The following PKIA variants were observed in gnomAD, a reference collection of about 807,000 sequenced individuals.
The protein encoded by PKIA is PKI-alpha.
PKIA carries 4 observed loss-of-function variants against 7.6 expected under a neutral mutation model. The ratio of observed to expected loss-of-function variants is 0.52; its 90% CI spans 0.26 to 1.20. The LOEUF (loss-of-function observed/expected upper bound fraction) is 1.20, where lower values mean the gene tolerates loss of function less well. PKIA is among the 50% of genes most tolerant of loss of function. PKIA has a pLI of 0.13. For missense variants in PKIA, 73 were observed against 86.2 expected (o/e 0.85, Z 0.61); for synonymous variants, 21 against 30.7 (o/e 0.68, Z 1.04).
At chr8:78,561,406 C>T (rs2118516670) in intron 1 of PKIA, among the ~76,000 whole-genome samples, 1 of 151,680 alleles carries the variant, frequency 6.6e-6, no homozygotes, top group East Asian at 1.9e-4. Flanking sequence ...CTTCTTCCTC[C>T]TCAACATCAT....
In PKIA at chr8:78,603,914, A is replaced by G. The variant is rs930370429; in HGVS notation, c.*2093A>G. ...TGGTGCCATGCTTGTCTTTAAATAT[A>G]TAAATAGTGCTAAATTGCAAAGTCA... On this transcript the variant is annotated 3_prime_UTR_variant, in exon 4 of 4. Coordinates refer to ENST00000396418, the MANE Select transcript of PKIA (RefSeq NM_006823.4). The G allele has an allele frequency of 6.6e-6, 1 of 151,990 alleles. No individual in the cohort carries two copies. The highest frequency in any genetic ancestry group is 2.1e-4 in the South Asian group (1 of 4,824). 9.4% of individuals were successfully genotyped at this position (151,990 alleles called of 1,614,324 possible).
In PKIA at chr8:78,548,556, G is replaced by A. The variant is rs186674896; in HGVS notation, c.-156-24255G>A. Among the ~76,000 whole-genome samples, 230 of 152,148 alleles carry A rather than the reference G, an allele frequency of 1.5e-3. 1 individual carries two copies. The highest frequency in any genetic ancestry group is 5.1e-3 in the African/African-American group (214 of 41,554). On this transcript the variant is annotated intron_variant, in intron 1 of 3. Coordinates refer to ENST00000396418, the MANE Select transcript of PKIA (RefSeq NM_006823.4). ...ATTTTGATACATACATCCACCTCAC[G>A]TAGATCTAATAGCTATGTGTTTGGA... is the stretch of plus-strand genomic sequence containing the variant.
intron 2 of PKIA, among the ~76,000 whole-genome samples, chr8:78,575,784 T>A (rs1346733380): frequency 6.6e-6 from 1 of 152,064 alleles, no homozygotes; most frequent in Non-Finnish European, 1.5e-5. Context: ...TCACCAGTTA[T>A]ATCAGCCAAT....
At chr8:78,539,830 C>A (rs1806629099) in intron 1 of PKIA, among the ~76,000 whole-genome samples, 1 of 151,816 alleles carries the variant, frequency 6.6e-6, no homozygotes, top group South Asian at 2.1e-4. Context: ...AATGCATGAT[C>A]CTCTACGAAT....
intron 1 of PKIA, among the ~76,000 whole-genome samples, chr8:78,540,238 G>GC (rs1228555465): frequency 6.6e-6 from 1 of 151,936 alleles, no homozygotes; most frequent in East Asian, 1.9e-4. Context: ...CAGCTCCACT[G>GC]CCCCCCTGCT....
chr8:78,550,073 T>C (rs772343444), intron 1 of PKIA, among the ~76,000 whole-genome samples: 1 of 152,016 alleles, frequency 6.6e-6, no homozygotes, highest in South Asian at 2.1e-4. Context: ...AGAACAGAAT[T>C]AAACAGGCAA....
intron 2 of PKIA, among the ~76,000 whole-genome samples, chr8:78,585,033 A>G (rs932745858): frequency 5.9e-5 from 9 of 152,040 alleles, no homozygotes; most frequent in Non-Finnish European, 2.9e-5. Context: ...AATATACAAC[A>G]TGTCATGATT....
At chr8:78,531,711 T>G (rs1806388814) in intron 1 of PKIA, among the ~76,000 whole-genome samples, 1 of 152,020 alleles carries the variant, frequency 6.6e-6, no homozygotes. Context: ...TCCACCCCTA[T>G]AGTTAATATA....
chr8:78,540,215 G>T (rs1806644610), intron 1 of PKIA, among the ~76,000 whole-genome samples: 1 of 151,832 alleles, frequency 6.6e-6, no homozygotes, highest in Non-Finnish European at 1.5e-5. Context: ...AAAAATATAG[G>T]TCTCGAGGGT....
intron 1 of PKIA, among the ~76,000 whole-genome samples, chr8:78,536,563 G>A (rs1010339942): frequency 1.3e-5 from 2 of 152,002 alleles, no homozygotes; most frequent in African/African-American, 4.8e-5. Context: ...CTAGCCTGAG[G>A]ACAAGGTGGC....
At chr8:78,579,932 T>A (rs959235432) in intron 2 of PKIA, among the ~76,000 whole-genome samples, 1 of 152,032 alleles carries the variant, frequency 6.6e-6, no homozygotes. Flanking sequence ...GCTGGTATAT[T>A]TGTTCAGATA....
intron 1 of PKIA, among the ~76,000 whole-genome samples, chr8:78,551,104 T>TTGTTAAAAA (rs11280898): frequency 0.12 from 17,699 of 152,020 alleles, 1,111 homozygotes; most frequent in Middle Eastern, 0.2. Context: ...CAATTAATAC[T>TTGTTAAAAA]TGACTGAATT....
intron 1 of PKIA, among the ~76,000 whole-genome samples, chr8:78,538,021 TTCTTTC>T (rs1417644383): frequency 6.6e-6 from 1 of 152,036 alleles, no homozygotes; most frequent in African/African-American, 2.4e-5. Context: ...GATAAACTTT[TTCTTTC>T]TCTAAGTCCC....
At chr8:78,563,760 G>A (rs1807339309) in intron 1 of PKIA, among the ~76,000 whole-genome samples, 1 of 152,120 alleles carries the variant, frequency 6.6e-6, no homozygotes. Flanking sequence ...ACAATTTTGA[G>A]AAGGACAGAT....
In PKIA at chr8:78,540,022, A is replaced by G. The variant is rs1806636959; in HGVS notation, c.-157+23554A>G. Among the ~76,000 whole-genome samples, 3 of 151,990 alleles carry G rather than the reference A, an allele frequency of 2.0e-5. No homozygotes were observed. In the South Asian group the frequency reaches 6.2e-4, roughly 32 times the overall value. ...CATAGTTCATTGGGGTCAAGAAGAA[A>G]GAGGAGTGTGGCAAGTTCATTTTCT... On this transcript the variant is annotated intron_variant, in intron 1 of 3. Transcript: ENST00000396418.
At chr8:78,574,337 A>G (rs565657699) in intron 2 of PKIA, among the ~76,000 whole-genome samples, 14 of 152,084 alleles carry the variant, frequency 9.2e-5, no homozygotes, top group African/African-American at 2.6e-4. Context: ...TAGTCACCTT[A>G]CTGTAAAACA....
intron 3 of PKIA, among the ~76,000 whole-genome samples, chr8:78,599,353 C>T (rs1808302443): frequency 6.6e-6 from 1 of 152,022 alleles, no homozygotes; most frequent in African/African-American, 2.4e-5. Flanking sequence ...ATGGAAAGCA[C>T]TTATCACAGT....
intron 2 of PKIA, among the ~76,000 whole-genome samples, chr8:78,590,566 C>A (rs995914951): frequency 9.2e-5 from 14 of 151,514 alleles, no homozygotes; most frequent in Non-Finnish European, 1.6e-4. Flanking sequence ...TATGAGAAAC[C>A]AGATGTCTTT....
chr8:78,528,034 G>A (rs1462138841), intron 1 of PKIA, among the ~76,000 whole-genome samples: 1 of 152,058 alleles, frequency 6.6e-6, no homozygotes. Context: ...AGAATGAGTA[G>A]AGAAAACTGT....
Sources: allele counts gnomAD v4.1 joint callset (sites outside exome capture counted in the v4.1 genomes callset), GRCh38; gene constraint gnomAD v4.1.1; transcripts MANE v1.5; gene names NCBI Gene and HGNC (gene_info 2026-07-23, HGNC 2026-07-21).